ACVR1: variants seen among roughly 807,000 people sequenced by gnomAD.
ACVR1 encodes activin receptor type-1.
ACVR1 carries 38 observed loss-of-function variants against 57.1 expected under a neutral mutation model. The observed-to-expected ratio is 0.67, with a 90% confidence interval of 0.51 to 0.87. The LOEUF is 0.87. ACVR1 is among the 40% of genes least tolerant of loss of function. The pLI, the probability that ACVR1 is intolerant of heterozygous loss-of-function variation, is 0.00. For missense variants in ACVR1, 463 were observed against 638.2 expected (o/e 0.73, Z 2.96); for synonymous variants, 212 against 228.1 (o/e 0.93, Z 0.63).
At chr2:157,829,038 G>A (rs1048139031) in intron 1 of ACVR1, among the ~76,000 whole-genome samples, 1 of 152,168 alleles carries the variant, frequency 6.6e-6, no homozygotes, top group Non-Finnish European at 1.5e-5. Context: ...AAAGTGCTGG[G>A]ATTACAGGCG....
chr2:157,800,037 T>G (rs1392280153), intron 2 of ACVR1, among the ~76,000 whole-genome samples: 1 of 152,060 alleles, frequency 6.6e-6, no homozygotes, highest in Non-Finnish European at 1.5e-5. Context: ...AACAAAAAAA[T>G]ACAAACTTTT....
intron 1 of ACVR1, among the ~76,000 whole-genome samples, chr2:157,850,127 T>C (rs984455456): frequency 1.3e-5 from 2 of 152,152 alleles, no homozygotes; most frequent in East Asian, 1.9e-4. Flanking sequence ...CGGTGGCTCA[T>C]GCCTGTAATC....
At chr2:157,852,498 C>CAA (rs548451104) in intron 1 of ACVR1, among the ~76,000 whole-genome samples, 839 of 70,806 alleles carry the variant, frequency 0.012, 4 homozygotes, top group Admixed American at 0.017. Flanking sequence ...GAGCCTGTCT[C>CAA]AAAAAAAAAA....
At chr2:157,819,602 GTAACCA>G in intron 1 of ACVR1, 2 of 151,808 alleles carry the variant, frequency 1.3e-5, no homozygotes, top group Non-Finnish European at 2.9e-5. Context: ...GTATACCAGA[GTAACCA>G]ATTTCTTGTA....
chr2:157,797,870 TG>T (rs1205913337), intron 3 of ACVR1, among the ~76,000 whole-genome samples: 2 of 152,092 alleles, frequency 1.3e-5, no homozygotes, highest in Admixed American at 6.5e-5. Flanking sequence ...CCCTCAGGAT[TG>T]GGATTTGTGC....
At chr2:157,863,886 G>C (rs1274068096) in intron 1 of ACVR1, among the ~76,000 whole-genome samples, 1 of 45,738 alleles carries the variant, frequency 2.2e-5, no homozygotes, top group African/African-American at 8.8e-5. Flanking sequence ...TTTTTTTTTT[G>C]AGATGGAGTC....
intron 4 of ACVR1, 37 bp from the exon 5 acceptor site, chr2:157,778,379 G>T: frequency 6.6e-7 from 1 of 1,521,096 alleles, no homozygotes; most frequent in Non-Finnish European, 9.1e-7. Flanking sequence ...TAGTTGTAAG[G>T]ATCACTGCTT....
intron 9 of ACVR1, among the ~76,000 whole-genome samples, chr2:157,743,286 A>G (rs1017922902): frequency 3.3e-5 from 5 of 152,014 alleles, no homozygotes; most frequent in Admixed American, 2.0e-4. Context: ...TGCTACCACA[A>G]CACAGGGGCC....
intron 8 of ACVR1, among the ~76,000 whole-genome samples, chr2:157,764,013 A>G (rs1685761858): frequency 6.6e-6 from 1 of 152,190 alleles, no homozygotes; most frequent in Admixed American, 6.5e-5. Context: ...CCCATAAACC[A>G]AAACCAAGAG....
intron 2 of ACVR1, among the ~76,000 whole-genome samples, chr2:157,813,134 C>A (rs1574097119): frequency 6.6e-6 from 1 of 151,040 alleles, no homozygotes; most frequent in East Asian, 1.9e-4. Flanking sequence ...CACACACACA[C>A]AAGTAATAAA....
rs745488328 is a variant in ACVR1, at chr2:157,760,861, T to C, written c.1264+19A>G. 3 of 1,612,260 alleles carry C rather than the reference T, an allele frequency of 1.9e-6. No individual in the cohort carries two copies. The highest frequency in any genetic ancestry group is 2.5e-6 in the Non-Finnish European group (3 of 1,178,598). Reference sequence around the variant, plus strand: ...GAGAACTTGGATTAAGACAATATTATATTAGATTAGATACCTACCATTGCT... The same window carrying C: ...GAGAACTTGGATTAAGACAATATTACATTAGATTAGATACCTACCATTGCT... On this transcript the variant is annotated intron_variant, in intron 9 of 10. Transcript: ENST00000434821.
At chr2:157,780,838 A>G (rs1279068919) in intron 3 of ACVR1, among the ~76,000 whole-genome samples, 3 of 152,142 alleles carry the variant, frequency 2.0e-5, no homozygotes, top group African/African-American at 7.2e-5. Context: ...TTTAGATCAT[A>G]TTAGGACAAA....
At chr2:157,855,749 T>C (rs1689509118) in intron 1 of ACVR1, among the ~76,000 whole-genome samples, 1 of 152,080 alleles carries the variant, frequency 6.6e-6, no homozygotes, top group South Asian at 2.1e-4. Flanking sequence ...CAGTGGTCAT[T>C]ACTGTCTGAA....
intron 1 of ACVR1, among the ~76,000 whole-genome samples, chr2:157,824,630 A>G (rs189663844): frequency 6.6e-6 from 1 of 152,336 alleles, no homozygotes; most frequent in East Asian, 1.9e-4. Context: ...ACAGACTAAA[A>G]TAGAATACCC....
Position 157,774,209 on chromosome 2 carries a change from A to C in ACVR1, c.544-22T>G, listed in dbSNP as rs758300851. 2.6e-5 allele frequency: 42 copies of C among 1,596,720 alleles called. No homozygotes were observed. The East Asian group carries it at 8.3e-4, about 31-fold the overall frequency. On this transcript the variant is annotated intron_variant, in intron 5 of 10. Transcript: ENST00000434821. ...AATCCTGTGGTTTAAGACAAGGGGG[A>C]AAAGAAACGATTGAGCAATATAGCT...
At chr2:157,822,073 T>C (rs573853630) in intron 1 of ACVR1, among the ~76,000 whole-genome samples, 2 of 152,320 alleles carry the variant, frequency 1.3e-5, no homozygotes, top group African/African-American at 4.8e-5. Flanking sequence ...ATCCTTACCC[T>C]TTCAAGAACC....
chr2:157,849,155 A>C (rs17804523), intron 1 of ACVR1, among the ~76,000 whole-genome samples: 11,765 of 152,282 alleles, frequency 0.077, 492 homozygotes, highest in African/African-American at 0.1. Context: ...ATACTTTTGT[A>C]AAACTCCTTG....
chr2:157,778,013 C>G, intron 5 of ACVR1, 118 bp downstream of exon 5: 4 of 1,085,544 alleles, frequency 3.7e-6, no homozygotes, highest in Non-Finnish European at 5.6e-6. Flanking sequence ...AAGTAACCAA[C>G]AGCATGTGTG....
chr2:157,805,331 A>G (rs1238212038), intron 2 of ACVR1, among the ~76,000 whole-genome samples: 1 of 152,184 alleles, frequency 6.6e-6, no homozygotes, highest in African/African-American at 2.4e-5. Flanking sequence ...TACTCTTCTC[A>G]ATTCAATTTC....
Sources: allele counts gnomAD v4.1 joint callset (sites outside exome capture counted in the v4.1 genomes callset), GRCh38; gene constraint gnomAD v4.1.1; transcripts MANE v1.5; gene names NCBI Gene and HGNC (gene_info 2026-07-23, HGNC 2026-07-21).